PALM2AKAP2: variants seen among roughly 807,000 people sequenced by gnomAD.
PALM2AKAP2 encodes the protein PALM2-AKAP2 fusion protein.
A neutral mutation model predicts 71.5 loss-of-function variants in PALM2AKAP2; 37 were observed. The observed-to-expected ratio is 0.52, with a 90% CI of 0.40 to 0.68. The LOEUF is 0.68. PALM2AKAP2 is among the 30% of genes least tolerant of loss of function. PALM2AKAP2 has a pLI of 0.00. For missense variants in PALM2AKAP2, 1,224 were observed against 1,191.8 expected, an observed-to-expected ratio of 1.03 and a Z score of -0.40; for synonymous variants, 468 against 478.8, an observed-to-expected ratio of 0.98 and a Z score of 0.29.
chr9:109,659,488 C>T (rs1317475767), intron 1 of PALM2AKAP2, among the ~76,000 whole-genome samples: 6 of 150,518 alleles, frequency 4.0e-5, no homozygotes, highest in African/African-American at 1.5e-4. Context: ...AAATTCTGGA[C>T]ATTTCGTATA....
At chr9:110,143,175 A>G (rs931549837) in intron 2 of PALM2AKAP2, among the ~76,000 whole-genome samples, 1 of 151,304 alleles carries the variant, frequency 6.6e-6, no homozygotes, top group Non-Finnish European at 1.5e-5. Context: ...TAATCCCAGC[A>G]CTTTTGGAGG....
intron 6 of PALM2AKAP2, among the ~76,000 whole-genome samples, chr9:109,997,173 G>C (rs1832590580): frequency 6.6e-6 from 1 of 152,112 alleles, no homozygotes; most frequent in South Asian, 2.1e-4. Context: ...CTGGGTGACA[G>C]AGCAAGAGCC....
intron 7 of PALM2AKAP2, among the ~76,000 whole-genome samples, chr9:110,041,098 A>T (rs260206): frequency 0.67 from 101,531 of 152,024 alleles, 34,475 homozygotes; most frequent in African/African-American, 0.8. Flanking sequence ...GGCTACATTC[A>T]TGTCATTATT....
intron 1 of PALM2AKAP2, among the ~76,000 whole-genome samples, chr9:109,723,909 A>G (rs371998327): frequency 3.0e-4 from 45 of 152,364 alleles, no homozygotes; most frequent in African/African-American, 9.4e-4. Flanking sequence ...AAACAAATCA[A>G]TGTTGGAAAT....
intron 1 of PALM2AKAP2, among the ~76,000 whole-genome samples, chr9:109,728,523 A>T (rs1828508095): frequency 6.6e-6 from 1 of 152,236 alleles, no homozygotes; most frequent in African/African-American, 2.4e-5. Context: ...TTGTGCCTGA[A>T]GCCAGCTCTA....
chr9:109,760,506 T>C (rs923834322), intron 1 of PALM2AKAP2: 2 of 152,222 alleles, frequency 1.3e-5, no homozygotes, highest in African/African-American at 4.8e-5. Context: ...TTCAAGTTAT[T>C]TGACTGACTT....
intron 1 of PALM2AKAP2, among the ~76,000 whole-genome samples, chr9:109,818,682 A>G: frequency 6.6e-6 from 1 of 152,100 alleles, no homozygotes; most frequent in Non-Finnish European, 1.5e-5. Flanking sequence ...CTGAACTCAA[A>G]CTCCTGGGAT....
intron 6 of PALM2AKAP2, among the ~76,000 whole-genome samples, chr9:109,963,019 A>G (rs113013062): frequency 0.047 from 7,102 of 152,258 alleles, 384 homozygotes; most frequent in East Asian, 0.28. Context: ...CTTGTGTACA[A>G]TTGCAGAGCT....
intron 6 of PALM2AKAP2, among the ~76,000 whole-genome samples, chr9:110,010,203 A>G (rs1230090112): frequency 6.6e-6 from 1 of 152,136 alleles, no homozygotes; most frequent in Non-Finnish European, 1.5e-5. Context: ...GGAAATGCAA[A>G]CTTATTCTCT....
chr9:109,947,301 T>C (rs533603272), intron 6 of PALM2AKAP2, among the ~76,000 whole-genome samples: 18 of 152,242 alleles, frequency 1.2e-4, no homozygotes, highest in Non-Finnish European at 1.9e-4. Flanking sequence ...ATATTTTGTT[T>C]TGGTTAAAGT....
chr9:109,694,105 G>C (rs1275657919), intron 1 of PALM2AKAP2, among the ~76,000 whole-genome samples: 1 of 151,948 alleles, frequency 6.6e-6, no homozygotes, highest in African/African-American at 2.4e-5. Flanking sequence ...GTTTACTCCA[G>C]TATTCTCAGT....
chr9:110,048,900 G>T, intron 1 of PALM2AKAP2: 2 of 1,474,570 alleles, frequency 1.4e-6, no homozygotes, highest in Non-Finnish European at 1.8e-6. Context: ...GTGTCCTCGA[G>T]TGTGAGGAAG....
rs374641252 is a variant in PALM2AKAP2, at chr9:110,070,565, G to A, written c.156+21710G>A. Among the ~76,000 whole-genome samples the A allele has an allele frequency of 5.1e-4, 77 of 152,294 alleles. 1 individual carries two copies. Among genetic ancestry groups the A allele is most frequent in the African/African-American group, 1.4e-3 (58 of 41,570 alleles). ...GACCAGAGGACTGAGAAAAGTATAA[G>A]TTGGTCAATTGTGATAAGCTGGGTA... On this transcript the variant is annotated intron_variant, in intron 1 of 3. Coordinates refer to ENST00000374525, the Ensembl canonical transcript of PALM2AKAP2.
intron 3 of PALM2AKAP2, among the ~76,000 whole-genome samples, chr9:109,912,740 A>ATC (rs1277986190): frequency 6.6e-6 from 1 of 152,174 alleles, no homozygotes; most frequent in Non-Finnish European, 1.5e-5. Flanking sequence ...AGACAGACAG[A>ATC]TAAGATAGAT....
chr9:109,803,711 C>T (rs1026856171), intron 1 of PALM2AKAP2, among the ~76,000 whole-genome samples: 1 of 152,202 alleles, frequency 6.6e-6, no homozygotes, highest in African/African-American at 2.4e-5. Context: ...AGTGGGCCAG[C>T]ACCATAGTCC....
chr9:110,048,962 C>T (rs1473605355), intron 1 of PALM2AKAP2: 24 of 1,347,568 alleles, frequency 1.8e-5, no homozygotes, highest in South Asian at 1.4e-4. Flanking sequence ...TGGGAGTCCT[C>T]GGAAGCACCG....
intron 1 of PALM2AKAP2, among the ~76,000 whole-genome samples, chr9:109,694,712 A>G (rs1181721316): frequency 2.0e-5 from 3 of 152,110 alleles, no homozygotes; most frequent in Non-Finnish European, 4.4e-5. Flanking sequence ...CTGCCAGAGT[A>G]GAAAGGAAGA....
chr9:109,682,688 C>T (rs367791547), intron 1 of PALM2AKAP2, among the ~76,000 whole-genome samples: 1 of 152,162 alleles, frequency 6.6e-6, no homozygotes, highest in African/African-American at 2.4e-5. Flanking sequence ...TAACATTTTT[C>T]TCTGTCAGGT....
intron 6 of PALM2AKAP2, among the ~76,000 whole-genome samples, chr9:109,972,407 G>A (rs972155875): frequency 6.6e-6 from 1 of 152,228 alleles, no homozygotes; most frequent in South Asian, 2.1e-4. Context: ...CCAGCTTAGG[G>A]TGAGTATGAC....
Sources: gnomAD v4.1 joint callset for allele counts (sites outside exome capture counted in the v4.1 genomes callset) on GRCh38, gnomAD v4.1.1 for gene constraint, MANE v1.5 for transcripts, NCBI Gene and HGNC (gene_info 2026-07-23, HGNC 2026-07-21) for gene names.